Variants in NEK5 observed in about 807,000 individuals in gnomAD.
NEK5 encodes the protein NIMA related kinase 5.
Under a neutral mutation model 109.2 loss-of-function variants are expected in NEK5, and 88 were observed. The observed-to-expected ratio is 0.81, with a 90% confidence interval of 0.68 to 0.96. The LOEUF (loss-of-function observed/expected upper bound fraction) is 0.96, where lower values mean the gene tolerates loss of function less well. Among genes scored for constraint, NEK5 ranks in the 40% least tolerant of loss-of-function variants. The pLI is 0.00. For synonymous variants in NEK5, 283 were observed against 299.9 expected, an observed-to-expected ratio of 0.94 and a Z score of 0.58; for missense variants, 834 against 920.7, an observed-to-expected ratio of 0.91 and a Z score of 1.22.
intron 3 of NEK5, among the ~76,000 whole-genome samples, chr13:52,123,833 A>C (rs1956015809): frequency 6.9e-6 from 1 of 144,244 alleles, no homozygotes; most frequent in Non-Finnish European, 1.6e-5. Flanking sequence ...GGTAGAGCTC[A>C]GCCTTGAACA....
chr13:52,110,742 ATAT>A (rs1422541822), intron 5 of NEK5, among the ~76,000 whole-genome samples, 165 bp from the exon 6 acceptor site: 2 of 152,198 alleles, frequency 1.3e-5, no homozygotes, highest in African/African-American at 4.8e-5. Flanking sequence ...ACACTTTATC[ATAT>A]TATTATTTTC....
intron 21 of NEK5, among the ~76,000 whole-genome samples, chr13:52,063,450 TG>T (rs1305512284): frequency 1.3e-5 from 2 of 152,204 alleles, no homozygotes; most frequent in Non-Finnish European, 2.9e-5. Context: ...CCGCCTGCCT[TG>T]GCCTCCCAAA....
chr13:52,103,527 A>G (rs1396939838), intron 9 of NEK5, among the ~76,000 whole-genome samples: 1 of 152,232 alleles, frequency 6.6e-6, no homozygotes, highest in Non-Finnish European at 1.5e-5. Flanking sequence ...AAAAGAGTTG[A>G]TGTAGCAAGC....
intron 5 of NEK5, among the ~76,000 whole-genome samples, chr13:52,111,881 C>A (rs1955765373): frequency 1.3e-5 from 2 of 152,232 alleles, no homozygotes; most frequent in East Asian, 1.9e-4. Context: ...AGTGGGATAT[C>A]TAGTTTAAAA....
intron 20 of NEK5, among the ~76,000 whole-genome samples, chr13:52,066,695 T>G (rs1373433620): frequency 6.6e-6 from 1 of 151,694 alleles, no homozygotes; most frequent in African/African-American, 2.4e-5. Flanking sequence ...TCCCAGCTAC[T>G]CGGGAGGCTG....
At chr13:52,123,654 G>A (rs576786964) in intron 3 of NEK5, among the ~76,000 whole-genome samples, 3 of 152,190 alleles carry the variant, frequency 2.0e-5, no homozygotes, top group Admixed American at 1.3e-4. Flanking sequence ...ACATGGACTC[G>A]GTCCTCACAG....
rs1458008687 is a variant in NEK5 at position 52,083,309 on chromosome 13, C to T, written c.1523G>A (p.Ser508Asn). Residue 508 changes from serine (S) to asparagine (N), a missense_variant, in exon 17 of 24, where the codon AGT becomes AAT. By Grantham distance (46) the Ser-to-Asn change is conservative. Transcript: ENST00000684899. ...ISHKTYLVKK[S>N]NLPVHQDASE... Reference sequence around the variant, plus strand: ...TGCATCTTGATGGACAGGCAGGTTACTCTTCTTCACCAAATAGGTTTTATG... The same window carrying T: ...TGCATCTTGATGGACAGGCAGGTTATTCTTCTTCACCAAATAGGTTTTATG... 1 of 1,613,274 alleles carries T rather than the reference C, an allele frequency of 6.2e-7. No individual in the cohort carries two copies. Among genetic ancestry groups the T allele is most frequent in the East Asian group, 2.2e-5 (1 of 44,884 alleles).
chr13:52,101,929 T>C lies in NEK5; in HGVS notation c.892+4A>G, dbSNP rs1378560796. On this transcript the variant is annotated splice_donor_region_variant and intron_variant, in intron 11 of 23. Transcript: ENST00000684899. The stretch of plus-strand genomic sequence containing the variant: ...TTTTGATTGCATGCCAAAGTCACAC[T>C]TACTCTGGACCACCTTCCCAGCATG... 1.2e-6 allele frequency: 2 copies of C among 1,612,374 alleles called. No individual in the cohort carries two copies. Among genetic ancestry groups the C allele is most frequent in the African/African-American group, 2.7e-5 (2 of 74,868 alleles).
chr13:52,106,737 A>T (rs1037109656), intron 8 of NEK5, among the ~76,000 whole-genome samples: 1 of 152,018 alleles, frequency 6.6e-6, no homozygotes, highest in Non-Finnish European at 1.5e-5. Context: ...ACTGCACTCC[A>T]GCCTGGATGA....
chr13:52,063,516 G>A (rs1479291443), intron 21 of NEK5, among the ~76,000 whole-genome samples: 42 of 151,638 alleles, frequency 2.8e-4, no homozygotes, highest in East Asian at 1.9e-3. Context: ...AGTGAGGAGC[G>A]TCTCTGCCCG....
intron 13 of NEK5, among the ~76,000 whole-genome samples, chr13:52,090,143 T>C (rs1450676889): frequency 6.6e-6 from 1 of 152,188 alleles, no homozygotes; most frequent in African/African-American, 2.4e-5. Flanking sequence ...ATGTTTAAGG[T>C]ATTTTTCCAG....
chr13:52,101,781 G>T, intron 11 of NEK5, 152 bp downstream of exon 11: 1 of 659,128 alleles, frequency 1.5e-6, no homozygotes, highest in Non-Finnish European at 2.7e-6. Flanking sequence ...CTCACTAGTT[G>T]CCATTTGACA....
At chr13:52,080,501 G>A (rs931121461) in intron 17 of NEK5, among the ~76,000 whole-genome samples, 1 of 152,232 alleles carries the variant, frequency 6.6e-6, no homozygotes, top group Non-Finnish European at 1.5e-5. Flanking sequence ...CCGTGTCTGT[G>A]TAGAAAGAGG....
At chr13:52,112,759 G>A (rs1003701402) in intron 4 of NEK5, among the ~76,000 whole-genome samples, 12 of 152,124 alleles carry the variant, frequency 7.9e-5, no homozygotes, top group Non-Finnish European at 1.5e-5. Context: ...GCCCCTTCTT[G>A]AATTTGGGCA....
chr13:52,049,858 T>A (rs1954489305), intron 23 of NEK5, among the ~76,000 whole-genome samples: 1 of 152,064 alleles, frequency 6.6e-6, no homozygotes, highest in Admixed American at 6.6e-5. Flanking sequence ...GCACAATATG[T>A]GAGGACTGGC....
chr13:52,063,901 T>TG (rs1161056937), intron 21 of NEK5, among the ~76,000 whole-genome samples: 1 of 146,022 alleles, frequency 6.8e-6, no homozygotes, highest in East Asian at 2.1e-4. Context: ...GGGAAGGAGG[T>TG]GGGGGTCAGC....
chr13:52,101,482 T>TA (rs1310986482), intron 11 of NEK5, among the ~76,000 whole-genome samples: 2 of 152,218 alleles, frequency 1.3e-5, no homozygotes, highest in African/African-American at 4.8e-5. Context: ...TAACAGTTCT[T>TA]ACTGTTATCA....
intron 16 of NEK5, among the ~76,000 whole-genome samples, chr13:52,084,740 A>T (rs1395801857): frequency 1.5e-4 from 15 of 98,100 alleles, no homozygotes; most frequent in Middle Eastern, 6.0e-3. Context: ...AGAGTGAGAG[A>T]GAGAGAGAGA....
At chr13:52,037,645 C>T (rs886636405) in intron 23 of NEK5, among the ~76,000 whole-genome samples, 1 of 152,054 alleles carries the variant, frequency 6.6e-6, no homozygotes, top group Non-Finnish European at 1.5e-5. Context: ...AAAATGTGGC[C>T]GGGCGCGGTG....
Sources: allele counts gnomAD v4.1 joint callset (sites outside exome capture counted in the v4.1 genomes callset), GRCh38; gene constraint gnomAD v4.1.1; transcripts MANE v1.5; gene names NCBI Gene and HGNC (gene_info 2026-07-23, HGNC 2026-07-21).